The following CAPN13 variants were observed in gnomAD, a reference collection of about 807,000 sequenced individuals.
CAPN13 encodes calpain 13, also known as calpain-13.
Under a neutral mutation model 98.4 loss-of-function variants are expected in CAPN13, and 90 were observed. That is an observed-to-expected ratio of 0.92 (90% CI 0.77 to 1.09). The LOEUF (loss-of-function observed/expected upper bound fraction) is 1.09, where lower values mean the gene tolerates loss of function less well. CAPN13 is among the 50% of genes least tolerant of loss of function. The pLI is 0.00. For synonymous variants in CAPN13, 330 were observed against 305.5 expected, an observed-to-expected ratio of 1.08 and a Z score of -0.84; for missense variants, 887 against 841.3, an observed-to-expected ratio of 1.05 and a Z score of -0.67.
Position 30,745,744 on chromosome 2 carries a change from A to C in CAPN13, c.1237-10T>G. Reference sequence around the variant, plus strand: ...ATACCTGTGAGCCAGCCTGTTGGAAACAGGGAGAAAGGCAGATTTAGGAAC... The same window carrying C: ...ATACCTGTGAGCCAGCCTGTTGGAACCAGGGAGAAAGGCAGATTTAGGAAC... On this transcript the variant is annotated splice_polypyrimidine_tract_variant and intron_variant, in intron 11 of 22. Coordinates refer to ENST00000295055, the MANE Select transcript of CAPN13 (RefSeq NM_144575.3). 1.3e-6 allele frequency: 2 copies of C among 1,595,324 alleles called. No individual in the cohort carries two copies. Among genetic ancestry groups the C allele is most frequent in the Non-Finnish European group, 1.7e-6 (2 of 1,178,392 alleles).
At chr2:30,787,733 T>C (rs1674374743) in intron 1 of CAPN13, among the ~76,000 whole-genome samples, 1 of 152,086 alleles carries the variant, frequency 6.6e-6, no homozygotes, top group South Asian at 2.1e-4. Context: ...ATTGGAAAGG[T>C]CACGGGGTGT....
chr2:30,741,082 T>A (rs1287346600), intron 15 of CAPN13, among the ~76,000 whole-genome samples: 1 of 152,174 alleles, frequency 6.6e-6, no homozygotes, highest in Non-Finnish European at 1.5e-5. Flanking sequence ...GTGAAGTGCC[T>A]CCTGAATCAG....
intron 7 of CAPN13, among the ~76,000 whole-genome samples, chr2:30,760,565 G>A (rs931783427): frequency 6.6e-6 from 1 of 152,184 alleles, no homozygotes. Flanking sequence ...AATAAAAAAT[G>A]CCGATTTCAT....
At chr2:30,729,518 C>A (rs1268747932) in intron 22 of CAPN13, 2 of 152,194 alleles carry the variant, frequency 1.3e-5, no homozygotes, top group East Asian at 3.8e-4. Context: ...ATTGAAGAAT[C>A]ATTTTTGATA....
At chr2:30,763,241 G>T in intron 6 of CAPN13, 85 bp from the exon 7 acceptor site, 1 of 1,181,180 alleles carries the variant, frequency 8.5e-7, no homozygotes. Context: ...CAGCCACTGA[G>T]CCATCTGGGC....
chr2:30,776,112 A>C, intron 3 of CAPN13, 67 bp from the exon 4 acceptor site: 2 of 1,037,058 alleles, frequency 1.9e-6, no homozygotes, highest in Non-Finnish European at 1.5e-6. Context: ...CATAATTTCA[A>C]AGGTCCTTAC....
At chr2:30,729,802 A>G (rs1670996035) in intron 22 of CAPN13, 1 of 152,234 alleles carries the variant, frequency 6.6e-6, no homozygotes, top group Admixed American at 6.5e-5. Flanking sequence ...ATCGAGTTTT[A>G]GGTGATATTG....
At chr2:30,783,229 G>C (rs1674084002) in intron 2 of CAPN13, among the ~76,000 whole-genome samples, 1 of 152,114 alleles carries the variant, frequency 6.6e-6, no homozygotes. Context: ...TTTAGCTCAG[G>C]GAAATATCAC....
At chr2:30,742,060 GAA>G (rs1671690570) in intron 14 of CAPN13, 96 bp from the exon 15 acceptor site, 2 of 1,189,918 alleles carry the variant, frequency 1.7e-6, no homozygotes, top group Non-Finnish European at 2.5e-6. Context: ...CAAGATCTGA[GAA>G]AGAGTCTTTA....
rs939032158 is a variant in CAPN13 at position 30,776,186 on chromosome 2, G to A, written c.272-141C>T. On this transcript the variant is annotated intron_variant, in intron 3 of 22. Transcript: ENST00000295055. ...TTTTTTCCTCTGAGAGAGGAGAACC[G>A]GGGGAGGGAGTCACAGGGACTGGCT... 3.2e-5 allele frequency: 18 copies of A among 556,346 alleles called. No homozygotes were observed. In the Admixed American group the frequency reaches 3.6e-4, roughly 11 times the overall value. 34.5% of individuals were successfully genotyped at this position (556,346 alleles called of 1,614,324 possible).
At chr2:30,738,126 G>T in intron 17 of CAPN13, 109 bp downstream of exon 17, 3 of 1,155,138 alleles carry the variant, frequency 2.6e-6, no homozygotes, top group Non-Finnish European at 2.6e-6. Flanking sequence ...GGGAAGAAGA[G>T]AAAATACTGA....
chr2:30,763,321 T>C (rs1024819233), intron 6 of CAPN13, among the ~76,000 whole-genome samples, 165 bp from the exon 7 acceptor site: 3 of 152,252 alleles, frequency 2.0e-5, no homozygotes, highest in Non-Finnish European at 4.4e-5. Context: ...TGGAAGGCCA[T>C]TGGGTGTCTG....
Position 30,732,518 on chromosome 2 carries a change from G to T in CAPN13, c.1847C>A (p.Thr616Asn). Residue 616 changes from threonine (T) to asparagine (N), a missense_variant, in exon 20 of 23, where the codon ACC (threonine) becomes AAC (asparagine). Physicochemically the swap from Thr to Asn is moderately conservative, Grantham distance 65 (BLOSUM62 0). Transcript: ENST00000295055. ...GCCGACGCTGTCGCTGTACCTGAGG[G>T]TCACCAGATGCAGCAGCTCACGGCT... Reference protein sequence around the residue: ...FISRELLHLVTLRYSDSVGRV... With the variant: ...FISRELLHLVNLRYSDSVGRV... 1 of 1,611,900 alleles carries T rather than the reference G, an allele frequency of 6.2e-7. No homozygotes were observed.
chr2:30,745,636 G>A (rs1329676233), intron 12 of CAPN13, 87 bp downstream of exon 12: 49 of 1,370,392 alleles, frequency 3.6e-5, no homozygotes, highest in Admixed American at 3.2e-4. Flanking sequence ...CACTGAACAC[G>A]TGGAGGCCAT....
At chr2:30,792,743 T>C (rs1366584827) in intron 1 of CAPN13, among the ~76,000 whole-genome samples, 1 of 151,538 alleles carries the variant, frequency 6.6e-6, no homozygotes, top group Non-Finnish European at 1.5e-5. Context: ...CGAAACCTCA[T>C]AAAGAAATCT....
At chr2:30,762,980 A>G (rs1672922447) in intron 7 of CAPN13, 102 bp downstream of exon 7, 1 of 936,990 alleles carries the variant, frequency 1.1e-6, no homozygotes, top group East Asian at 2.7e-5. Flanking sequence ...TCCTCATTTC[A>G]TCTTTCTTGG....
rs777325764 is a variant in CAPN13, at chr2:30,770,415, A to G, written c.422T>C (p.Ile141Thr). ...WQCGQWVEVV[I>T]DDRLPVQGDK... ...TCCCTGGACAGGTAGGCGGTCATCA[A>G]TCACCACTTCCACCCACTGGCCACA... Residue 141 changes from isoleucine (I) to threonine (T), a missense_variant, in exon 5 of 23, where the codon ATT (isoleucine) becomes ACT (threonine). Physicochemically the swap from Ile to Thr is moderately conservative, Grantham distance 89. Transcript: ENST00000295055. The G allele has an allele frequency of 5.0e-6, 8 of 1,614,028 alleles. No homozygotes were observed. Among genetic ancestry groups the G allele is most frequent in the Non-Finnish European group, 6.8e-6 (8 of 1,179,872 alleles).
chr2:30,795,117 G>A (rs1331982433), intron 1 of CAPN13, among the ~76,000 whole-genome samples: 2 of 151,796 alleles, frequency 1.3e-5, no homozygotes, highest in Non-Finnish European at 1.5e-5. Flanking sequence ...AAAAAGTAGC[G>A]GGATTTCATT....
chr2:30,782,601 G>A (rs1369527022), intron 2 of CAPN13, among the ~76,000 whole-genome samples: 2 of 152,158 alleles, frequency 1.3e-5, no homozygotes, highest in Non-Finnish European at 2.9e-5. Flanking sequence ...AAACTGCTCT[G>A]GCTGTGTGGA....
Sources: gnomAD v4.1 joint callset for allele counts (sites outside exome capture counted in the v4.1 genomes callset) on GRCh38, gnomAD v4.1.1 for gene constraint, MANE v1.5 for transcripts, NCBI Gene and HGNC (gene_info 2026-07-23, HGNC 2026-07-21) for gene names.